The following DNAH3 variants were observed in gnomAD, a reference collection of about 807,000 sequenced individuals.
DNAH3 encodes the protein dynein axonemal heavy chain 3.
In DNAH3, 332 loss-of-function variants were observed where a neutral mutation model predicts 432.5. The ratio of observed to expected loss-of-function variants is 0.77; its 90% confidence interval spans 0.70 to 0.84. DNAH3 has a LOEUF of 0.84. Among genes scored for constraint, DNAH3 ranks in the 40% least tolerant of loss-of-function variants. The pLI is 0.00. For missense variants in DNAH3, 4,861 were observed against 5,114.0 expected, an observed-to-expected ratio of 0.95 and a Z score of 1.51; for synonymous variants, 1,956 against 1,900.2, an observed-to-expected ratio of 1.03 and a Z score of -0.76.
At chr16:21,074,977 T>C (rs373153555) in intron 21 of DNAH3, among the ~76,000 whole-genome samples, 1 of 152,210 alleles carries the variant, frequency 6.6e-6, no homozygotes, top group East Asian at 1.9e-4. Flanking sequence ...TTGATCAATA[T>C]TATCTGGGAG....
At chr16:21,064,766 ATTAAC>A (rs1390034902) in intron 24 of DNAH3, among the ~76,000 whole-genome samples, 6 of 152,186 alleles carry the variant, frequency 3.9e-5, no homozygotes, top group South Asian at 2.1e-4. Flanking sequence ...TCAAGATGAA[ATTAAC>A]TTAAATTATG....
intron 7 of DNAH3, chr16:21,130,243 G>A (rs557069719): frequency 6.6e-6 from 1 of 151,804 alleles, no homozygotes; most frequent in South Asian, 2.1e-4. Context: ...ATATCGGTAG[G>A]ATAGAGCGGC....
chr16:21,035,315 A>G (rs762360065), intron 35 of DNAH3, among the ~76,000 whole-genome samples: 1 of 152,186 alleles, frequency 6.6e-6, no homozygotes, highest in Non-Finnish European at 1.5e-5. Flanking sequence ...TAATGGAGGG[A>G]GACTGTTTAA....
intron 7 of DNAH3, among the ~76,000 whole-genome samples, chr16:21,132,919 T>C (rs1343562548): frequency 6.6e-6 from 1 of 151,498 alleles, no homozygotes; most frequent in Non-Finnish European, 1.5e-5. Context: ...AATGAAAGAA[T>C]GAAAAAAGGT....
In DNAH3 at chr16:21,021,753, T is replaced by C. The variant is rs531452216; in HGVS notation, c.5776+218A>G. On this transcript the variant is annotated intron_variant, in intron 40 of 61. Coordinates refer to ENST00000261383, the Ensembl canonical transcript of DNAH3. ...GGCGAAACCCCATCTCTACTAAAAA[T>C]ACAAAAAAATAGAAGTGGTGCGTAA... is the stretch of plus-strand genomic sequence containing the variant. 6.6e-5 allele frequency among the ~76,000 whole-genome samples: 10 copies of C among 151,560 alleles called. No individual in the cohort carries two copies. In the South Asian group the frequency reaches 2.1e-3, roughly 32 times the overall value.
chr16:21,000,290 T>C, exon 43 of DNAH3: 1 of 1,614,166 alleles, frequency 6.2e-7, no homozygotes, highest in South Asian at 1.1e-5. Flanking sequence ...CGATCCAGCT[T>C]GGACATGATG....
intron 31 of DNAH3, among the ~76,000 whole-genome samples, chr16:21,043,192 T>C (rs2089527040): frequency 6.6e-6 from 1 of 151,648 alleles, no homozygotes; most frequent in East Asian, 1.9e-4. Context: ...TACCCAGTAA[T>C]GGGATGGCTG....
At chr16:21,020,367 T>TATATATATATATATATATATATATATAA (rs2088117119) in intron 40 of DNAH3, among the ~76,000 whole-genome samples, 1 of 81,534 alleles carries the variant, frequency 1.2e-5, no homozygotes, top group African/African-American at 5.5e-5. Context: ...TATATATATA[T>TATATATATATATATATATATATATATAA]AAAATCACTA....
At chr16:21,049,676 C>T (rs2089869266) in exon 31 of DNAH3, 1 of 1,613,964 alleles carries the variant, frequency 6.2e-7, no homozygotes, top group Non-Finnish European at 8.5e-7. Flanking sequence ...CAGTTGAAGA[C>T]CACACACTAG....
chr16:21,105,840 A>G (rs1053419622), intron 15 of DNAH3, among the ~76,000 whole-genome samples: 2 of 152,194 alleles, frequency 1.3e-5, no homozygotes, highest in Non-Finnish European at 2.9e-5. Context: ...TGCATTTGGA[A>G]GTGACTTTTC....
rs1038305353 is a variant in DNAH3, at chr16:20,944,697, G to A, written c.11344-34C>T. On this transcript the variant is annotated intron_variant, in intron 57 of 61. Transcript: ENST00000261383. The stretch of plus-strand genomic sequence containing the variant: ...GAAATCTTCAGTTGAAATCAACGAG[G>A]GACCCCAGAATCCCACAGATGACTC... 42 of 1,610,252 alleles carry A rather than the reference G, an allele frequency of 2.6e-5. No homozygotes were observed. The Admixed American group carries it at 7.0e-4, about 27-fold the overall frequency.
intron 55 of DNAH3, 82 bp from the exon 56 acceptor site, chr16:20,952,631 A>T: frequency 1.2e-6 from 1 of 858,010 alleles, no homozygotes. Context: ...GGAGTTAAGC[A>T]TCATTATGGA....
chr16:21,012,539 A>G (rs1761951534), intron 41 of DNAH3, among the ~76,000 whole-genome samples: 2 of 152,188 alleles, frequency 1.3e-5, no homozygotes, highest in Admixed American at 6.5e-5. Context: ...GACAAATCCA[A>G]TATCACAGTC....
intron 44 of DNAH3, among the ~76,000 whole-genome samples, chr16:20,995,555 G>A (rs1408234976): frequency 1.3e-5 from 2 of 152,200 alleles, no homozygotes; most frequent in East Asian, 1.9e-4. Flanking sequence ...GAGCCACTGC[G>A]CCCAGACTCT....
At chr16:20,987,402 A>T (rs776259942) in exon 47 of DNAH3, 1 of 1,614,192 alleles carries the variant, frequency 6.2e-7, no homozygotes, top group Non-Finnish European at 8.5e-7. Flanking sequence ...ATCATAGAAG[A>T]CCCGATAAAC....
At chr16:21,134,549 G>A in intron 6 of DNAH3, 95 bp from the exon 8 acceptor site, 2 of 1,201,386 alleles carry the variant, frequency 1.7e-6, no homozygotes, top group Non-Finnish European at 1.1e-6. Flanking sequence ...ATAGAGACGG[G>A]GTCTCACTAA....
chr16:21,012,874 G>A (rs556133264), intron 41 of DNAH3, among the ~76,000 whole-genome samples: 4 of 152,122 alleles, frequency 2.6e-5, no homozygotes, highest in African/African-American at 7.2e-5. Flanking sequence ...CAATCATCCC[G>A]CCTCAGCCTC....
At chr16:20,972,730 T>C (rs2085399170) in intron 51 of DNAH3, among the ~76,000 whole-genome samples, 1 of 144,230 alleles carries the variant, frequency 6.9e-6, no homozygotes, top group Non-Finnish European at 1.5e-5. Context: ...TCTGAGACAA[T>C]GCCCCGTGAT....
intron 53 of DNAH3, among the ~76,000 whole-genome samples, chr16:20,960,703 TCAAACAAA>T (rs373451611): frequency 1.3e-5 from 2 of 151,966 alleles, no homozygotes; most frequent in South Asian, 2.1e-4. Flanking sequence ...AGACTCCATC[TCAAACAAA>T]CAAACAAACA....
Sources: allele counts gnomAD v4.1 joint callset (sites outside exome capture counted in the v4.1 genomes callset), GRCh38; gene constraint gnomAD v4.1.1; transcripts MANE v1.5; gene names NCBI Gene and HGNC (gene_info 2026-07-23, HGNC 2026-07-21).